Variants in FMO5 observed in about 807,000 individuals in gnomAD.
FMO5 encodes flavin containing dimethylaniline monoxygenase 5.
FMO5 carries 51 observed loss-of-function variants against 43.6 expected under a neutral mutation model. The ratio of observed to expected loss-of-function variants is 1.17; its 90% CI spans 0.93 to 1.48. The LOEUF (loss-of-function observed/expected upper bound fraction) is 1.48. FMO5 is among the 40% of genes most tolerant of loss of function. FMO5 has a pLI of 0.00. For missense variants in FMO5, 644 were observed against 643.0 expected (o/e 1.00, Z -0.02); for synonymous variants, 187 against 216.5 (o/e 0.86, Z 1.20).
At chr1:147,190,648 A>G (rs12023644) in intron 7 of FMO5, among the ~76,000 whole-genome samples, 10,590 of 152,140 alleles carry the variant, frequency 0.07, 957 homozygotes, top group African/African-American at 0.2. Context: ...AAGGGACCTT[A>G]TATCAACAGA....
rs2044150 is a variant in FMO5, at chr1:147,209,195, G to A, written c.631-144C>T. The stretch of plus-strand genomic sequence containing the variant: ...AGCACTTTGGGAGGCCAAGGCGGGC[G>A]GATCACGAGGTCAGGAGATCGAGAC... On this transcript the variant is annotated intron_variant, in intron 5 of 8. Transcript: ENST00000254090. 4.6e-4 allele frequency: 257 copies of A among 563,166 alleles called. 1 individual carries two copies. The highest frequency in any genetic ancestry group is 4.5e-3 in the African/African-American group (239 of 52,756). The allele number at this position is 563,166 out of a possible 1,614,324, so 34.9% of individuals were successfully genotyped here.
At chr1:147,193,740 A>C (rs1553919079) in intron 7 of FMO5, among the ~76,000 whole-genome samples, 1 of 151,996 alleles carries the variant, frequency 6.6e-6, no homozygotes. Context: ...GAACATCTTT[A>C]TTTCTGCTTT....
In FMO5 at chr1:147,215,806, T is replaced by C. The variant is rs782357986; in HGVS notation, c.272A>G (p.Tyr91Cys). 2.5e-6 allele frequency: 4 copies of C among 1,613,568 alleles called. No homozygotes were observed. In the South Asian group the frequency reaches 4.4e-5, roughly 18 times the overall value. The change falls in exon 3 of 9, where the codon TAT (tyrosine) becomes TGT (cysteine). Residue 91 changes from tyrosine (Y) to cysteine (C), a missense_variant. Tyr to Cys is a radical substitution (Grantham distance 194, BLOSUM62 -2). Coordinates refer to ENST00000254090, the MANE Select transcript of FMO5 (RefSeq NM_001461.4). ...AAATTCTTTGGCATACATCCTGAAA[T>C]ACTCCAGGACCTGGGCATTATGCAT... Reference protein sequence around the residue: ...NFMHNAQVLEYFRMYAKEFDL... With the variant: ...NFMHNAQVLECFRMYAKEFDL...
At chr1:147,201,671 A>G (rs1274881987) in intron 6 of FMO5, among the ~76,000 whole-genome samples, 167 bp from the exon 7 acceptor site, 3 of 152,212 alleles carry the variant, frequency 2.0e-5, no homozygotes, top group Non-Finnish European at 2.9e-5. Context: ...GGCACAGATC[A>G]AGATCAGATC....
chr1:147,194,150 T>C (rs1359778274), intron 7 of FMO5, among the ~76,000 whole-genome samples: 1 of 152,156 alleles, frequency 6.6e-6, no homozygotes, highest in Non-Finnish European at 1.5e-5. Context: ...CTAAGTCTCT[T>C]TGTAGGTCAC....
At chr1:147,226,226 C>G (rs1389836491), upstream of FMO5, among the ~76,000 whole-genome samples, 1 of 151,848 alleles carries the variant, frequency 6.6e-6, no homozygotes, top group African/African-American at 2.4e-5. Flanking sequence ...ATCCTGCCCC[C>G]ACTTCCGCCC....
In FMO5 at chr1:147,207,116, C is replaced by T. The variant is rs182540517; in HGVS notation, c.830+1736G>A. 3.3e-5 allele frequency among the ~76,000 whole-genome samples: 5 copies of T among 152,002 alleles called. No individual in the cohort carries two copies. The East Asian group carries it at 5.8e-4, about 18-fold the overall frequency. On this transcript the variant is annotated intron_variant, in intron 6 of 8. Coordinates refer to ENST00000254090, the MANE Select transcript of FMO5 (RefSeq NM_001461.4). ...TATTTTATCAATGTTAAATTTCCCA[C>T]GTGTGATAATTATATGATGGTTATG...
At chr1:147,204,249 T>C (rs1457630586) in intron 6 of FMO5, 8 of 1,137,752 alleles carry the variant, frequency 7.0e-6, no homozygotes, top group South Asian at 4.9e-5. Flanking sequence ...GTACATCACC[T>C]TCTGTTTCCT....
At chr1:147,208,788 G>A (rs781979497) in intron 6 of FMO5, 64 bp downstream of exon 6, 29 of 1,368,384 alleles carry the variant, frequency 2.1e-5, no homozygotes, top group Non-Finnish European at 2.9e-5. Context: ...CTATTAGCCA[G>A]TGTGAAGAGT....
downstream of FMO5, chr1:147,184,713 G>A (rs4950385): frequency 0.075 from 102,845 of 1,367,396 alleles, 4,292 homozygotes; most frequent in African/African-American, 0.13. The surrounding 1 kb of genome is among the most constrained non-coding windows in gnomAD (Gnocchi z 4.4). Flanking sequence ...CATACTATCA[G>A]TGTGACTTAT....
chr1:147,213,517 T>A, intron 3 of FMO5, 47 bp from the exon 4 acceptor site: 1 of 1,515,396 alleles, frequency 6.6e-7, no homozygotes, highest in Non-Finnish European at 8.9e-7. Flanking sequence ...GACATGACTC[T>A]CCTTGCATAG....
rs781820238 is a variant in FMO5, at chr1:147,208,871, C to T, written c.811G>A (p.Gly271Ser). Residue 271 changes from glycine (G) to serine (S), a missense_variant, in exon 6 of 9, where the codon GGC becomes AGC. Physicochemically the swap from Gly to Ser is moderately conservative, Grantham distance 56. Transcript: ENST00000254090. ...INQRFDHEMF[G>S]LKPKHRALSQ... ...ACATACCTGTGTTTAGGCTTCAGGCCAAACATTTCATGGTCAAACCTTTGG... is the reference window on the plus strand; with the variant it reads ...ACATACCTGTGTTTAGGCTTCAGGCTAAACATTTCATGGTCAAACCTTTGG... The T allele has an allele frequency of 3.0e-5, 49 of 1,613,930 alleles. No individual in the cohort carries two copies. The South Asian group carries it at 5.3e-4, about 17-fold the overall frequency.
intron 7 of FMO5, among the ~76,000 whole-genome samples, chr1:147,198,214 C>T (rs1658342578): frequency 6.6e-6 from 1 of 152,134 alleles, no homozygotes; most frequent in African/African-American, 2.4e-5. Context: ...GTTTCTACAT[C>T]AGAATTTAGA....
At chr1:147,191,057 C>G (rs1471970418) in intron 7 of FMO5, among the ~76,000 whole-genome samples, 1 of 152,096 alleles carries the variant, frequency 6.6e-6, no homozygotes, top group Non-Finnish European at 1.5e-5. Context: ...TGTATATGTG[C>G]CACATTTTCT....
At position 147,215,885 on chromosome 1, in the gene FMO5, T is replaced by C; in HGVS notation, c.193A>G (p.Lys65Glu). The C allele has an allele frequency of 6.2e-7, 1 of 1,613,158 alleles. No individual in the cohort carries two copies. Among genetic ancestry groups the C allele is most frequent in the Non-Finnish European group, 8.5e-7 (1 of 1,179,274 alleles). The change falls in exon 3 of 9, where the codon AAA becomes GAA. Residue 65 changes from lysine to glutamate, a missense_variant. Lys to Glu is a moderately conservative substitution (Grantham distance 56). Transcript: ENST00000254090. ...IYKSVIINTSKEMMCFSDYPI... is the reference protein window; with the variant it reads ...IYKSVIINTSEEMMCFSDYPI... Reference sequence around the variant, plus strand: ...TAGTCACTGAAGCACATCATCTCTTTAGAAGTATTGATGATCACTGATTTG... The same window carrying C: ...TAGTCACTGAAGCACATCATCTCTTCAGAAGTATTGATGATCACTGATTTG...
intron 3 of FMO5, among the ~76,000 whole-genome samples, chr1:147,213,868 A>T (rs1553924404): frequency 6.6e-6 from 1 of 152,026 alleles, no homozygotes. Context: ...TTCTTACCCT[A>T]GGTTCTCTTC....
intron 4 of FMO5, among the ~76,000 whole-genome samples, 185 bp downstream of exon 4, chr1:147,213,123 A>G (rs1661360518): frequency 6.6e-6 from 1 of 152,180 alleles, no homozygotes; most frequent in African/African-American, 2.4e-5. Flanking sequence ...TTTTGCTCTA[A>G]TCTCCAAAAT....
Position 147,209,052 on chromosome 1 carries a change from C to G in FMO5, c.631-1G>C. On this transcript the variant is annotated splice_acceptor_variant, in intron 5 of 8. Coordinates refer to ENST00000254090, the MANE Select transcript of FMO5 (RefSeq NM_001461.4). LOFTEE classifies it high-confidence loss of function. Reference sequence around the variant, plus strand: ...CCCCTCTCCTGGTGCTGAGGAAAACCTGGGGCATGGAAGAAATTGTTTGCT... The same window carrying G: ...CCCCTCTCCTGGTGCTGAGGAAAACGTGGGGCATGGAAGAAATTGTTTGCT... 6.2e-7 allele frequency: 1 copy of G among 1,612,662 alleles called. No individual in the cohort carries two copies. The highest frequency in any genetic ancestry group is 8.5e-7 in the Non-Finnish European group (1 of 1,179,176).
chr1:147,187,258 A>C lies in FMO5; in HGVS notation c.1257-13T>G. 6.4e-7 allele frequency: 1 copy of C among 1,561,812 alleles called. No homozygotes were observed. Among genetic ancestry groups the C allele is most frequent in the Non-Finnish European group, 8.7e-7 (1 of 1,153,340 alleles). On this transcript the variant is annotated splice_polypyrimidine_tract_variant and intron_variant, in intron 8 of 8. Transcript: ENST00000254090. Reference sequence around the variant, plus strand: ...GCTCTCCACATACCTAAAGTAGAAAAGACAGAAACCATGGCCTGTCAATAA... The same window carrying C: ...GCTCTCCACATACCTAAAGTAGAAACGACAGAAACCATGGCCTGTCAATAA...
Sources: gnomAD v4.1 joint callset for allele counts (sites outside exome capture counted in the v4.1 genomes callset) on GRCh38, gnomAD v4.1.1 for gene constraint, Gnocchi (gnomAD v3.1) non-coding constraint, MANE v1.5 for transcripts, NCBI Gene and HGNC (gene_info 2026-07-23, HGNC 2026-07-21) for gene names.